Variants in TOM1L2 observed in about 807,000 individuals in gnomAD.
TOM1L2 encodes target of myb1 like 2 membrane trafficking protein.
Under a neutral mutation model 67.9 loss-of-function variants are expected in TOM1L2, and 31 were observed. The observed-to-expected ratio is 0.46, with a 90% confidence interval of 0.34 to 0.62. TOM1L2 has a LOEUF of 0.62. TOM1L2 is among the 20% of genes least tolerant of loss of function. The pLI is 0.01. For missense variants in TOM1L2, 606 were observed against 663.5 expected (o/e 0.91, Z 0.95); for synonymous variants, 256 against 254.0 (o/e 1.01, Z -0.07).
chr17:17,926,338 C>T (rs1474025102), intron 1 of TOM1L2, among the ~76,000 whole-genome samples: 1 of 152,120 alleles, frequency 6.6e-6, no homozygotes, highest in Non-Finnish European at 1.5e-5. Context: ...CTAACTCTCC[C>T]TTGTCCCAAA....
At chr17:17,956,741 G>C (rs2041470740) in intron 1 of TOM1L2, among the ~76,000 whole-genome samples, 1 of 152,206 alleles carries the variant, frequency 6.6e-6, no homozygotes, top group Non-Finnish European at 1.5e-5. Flanking sequence ...TGGATGCTAA[G>C]CCCCTCACTG....
rs200243623 is a variant in TOM1L2, at chr17:17,847,747, G to A, written c.1412C>T (p.Ala471Val). 5.0e-4 allele frequency: 807 copies of A among 1,614,094 alleles called. 2 individuals are homozygous for A. In the Middle Eastern group the frequency reaches 5.3e-3, roughly 11 times the overall value. ...CGAGGGGAGGTCGGGAACCATTTCA[G>A]CAGCTTTGGCTCTTTCTTCAAGGAA... ...DKFLEERAKAAEMVPDLPSPP... is the reference protein window; with the variant it reads ...DKFLEERAKAVEMVPDLPSPP... Residue 471 changes from alanine to valine, a missense_variant, in exon 15 of 15, where the codon GCT becomes GTT. Physicochemically the swap from Ala to Val is moderately conservative, Grantham distance 64. Coordinates refer to ENST00000379504, the MANE Select transcript of TOM1L2 (RefSeq NM_001082968.2).
At chr17:17,934,554 A>G (rs2040446461) in intron 1 of TOM1L2, among the ~76,000 whole-genome samples, 1 of 152,208 alleles carries the variant, frequency 6.6e-6, no homozygotes, top group African/African-American at 2.4e-5. Context: ...GAGAGTAATT[A>G]TGTCTTACTG....
intron 10 of TOM1L2, among the ~76,000 whole-genome samples, chr17:17,865,742 CTT>C (rs35408977): frequency 4.6e-4 from 48 of 103,522 alleles, no homozygotes; most frequent in Non-Finnish European, 5.9e-4. Flanking sequence ...GGTGACCTTT[CTT>C]TTTTTTTTTT....
At chr17:17,927,542 G>C (rs141375393) in intron 1 of TOM1L2, among the ~76,000 whole-genome samples, 1 of 152,292 alleles carries the variant, frequency 6.6e-6, no homozygotes, top group Non-Finnish European at 1.5e-5. Context: ...ATTTGGCCTC[G>C]TGAGAATGGC....
rs2035642080 is a variant in TOM1L2, at chr17:17,846,325, G to C, written c.*1310C>G. ...ACACACGGGGATGCATACAGCTGCAGTATTCTCCTTCTGAGCAACAGCAGC... is the reference window on the plus strand; with the variant it reads ...ACACACGGGGATGCATACAGCTGCACTATTCTCCTTCTGAGCAACAGCAGC... On this transcript the variant is annotated 3_prime_UTR_variant, in exon 15 of 15. Coordinates refer to ENST00000379504, the MANE Select transcript of TOM1L2 (RefSeq NM_001082968.2). 1 of 152,532 alleles carries C rather than the reference G, an allele frequency of 6.6e-6. No individual in the cohort carries two copies. The highest frequency in any genetic ancestry group is 1.5e-5 in the Non-Finnish European group (1 of 68,246). 9.4% of individuals were successfully genotyped at this position (152,532 alleles called of 1,614,324 possible). A position where few individuals can be genotyped will look rare whatever the true frequency, so the allele number is the denominator to read the frequency against.
At chr17:17,882,593 G>A (rs2037781029) in intron 6 of TOM1L2, 112 bp downstream of exon 6, 2 of 1,411,402 alleles carry the variant, frequency 1.4e-6, no homozygotes, top group South Asian at 2.7e-5. Context: ...CCATCTCTGT[G>A]TCCCTAACAC....
Position 17,861,178 on chromosome 17 carries a change from T to C in TOM1L2, c.1278+298A>G, listed in dbSNP as rs1208557626. Among the ~76,000 whole-genome samples the C allele has an allele frequency of 4.6e-5, 7 of 152,276 alleles. No homozygotes were observed. The East Asian group carries it at 1.4e-3, about 29-fold the overall frequency. ...CTGGAAATGGACACTAATCCTAGGATTGGAACCCCAGCTTGCTGTCTGCTC... is the reference window on the plus strand; with the variant it reads ...CTGGAAATGGACACTAATCCTAGGACTGGAACCCCAGCTTGCTGTCTGCTC... On this transcript the variant is annotated intron_variant, in intron 12 of 14. Transcript: ENST00000379504.
At chr17:17,935,482 C>T (rs1407548550) in intron 1 of TOM1L2, among the ~76,000 whole-genome samples, 2 of 152,222 alleles carry the variant, frequency 1.3e-5, no homozygotes, top group African/African-American at 4.8e-5. Flanking sequence ...TCTTACTGCT[C>T]TTTCTTGTCA....
rs1185302402 is a variant in TOM1L2, at chr17:17,846,146, C to G, written c.*1489G>C. The G allele has an allele frequency of 6.6e-6, 1 of 152,324 alleles. No homozygotes were observed. The highest frequency in any genetic ancestry group is 2.4e-5 in the African/African-American group (1 of 41,466). 9.4% of individuals were successfully genotyped at this position (152,324 alleles called of 1,614,324 possible). A position where few individuals can be genotyped will look rare whatever the true frequency, so the allele number is the denominator to read the frequency against. On this transcript the variant is annotated 3_prime_UTR_variant, in exon 15 of 15. Coordinates refer to ENST00000379504, the MANE Select transcript of TOM1L2 (RefSeq NM_001082968.2). ...CCATGTCGCTGGTCTCTTCTCCCGT[C>G]AAGCCCAGCCCCCTTTCCCTGCTTG... is the stretch of plus-strand genomic sequence containing the variant.
intron 2 of TOM1L2, among the ~76,000 whole-genome samples, chr17:17,905,444 A>G (rs2039048350): frequency 6.6e-6 from 1 of 152,216 alleles, no homozygotes; most frequent in South Asian, 2.1e-4. Context: ...AGCCAATTCC[A>G]TTGGCTCTAC....
chr17:17,970,179 C>T (rs1300795908), intron 1 of TOM1L2, among the ~76,000 whole-genome samples: 1 of 151,940 alleles, frequency 6.6e-6, no homozygotes, highest in Non-Finnish European at 1.5e-5. Flanking sequence ...CTCAGCCTCC[C>T]GAGTAGCTGG....
chr17:17,918,915 T>C (rs777622489), intron 1 of TOM1L2, among the ~76,000 whole-genome samples: 8 of 152,188 alleles, frequency 5.3e-5, no homozygotes, highest in Non-Finnish European at 8.8e-5. Context: ...TGAGGGCCCT[T>C]TATAAGTAAA....
chr17:17,971,622 T>C (rs1429472749), intron 1 of TOM1L2, among the ~76,000 whole-genome samples: 1 of 151,482 alleles, frequency 6.6e-6, no homozygotes, highest in Non-Finnish European at 1.5e-5. Context: ...GAAGGTGACA[T>C]CCCACAAAGG....
At chr17:17,940,949 T>C (rs2040709784) in intron 1 of TOM1L2, among the ~76,000 whole-genome samples, 1 of 152,196 alleles carries the variant, frequency 6.6e-6, no homozygotes, top group South Asian at 2.1e-4. Flanking sequence ...TCTATGATGC[T>C]TGCAAATCAT....
At chr17:17,859,718 T>G (rs1349867276) in intron 12 of TOM1L2, 4 of 152,032 alleles carry the variant, frequency 2.6e-5, no homozygotes, top group Non-Finnish European at 4.4e-5. Flanking sequence ...CTGTCTCTAG[T>G]AAAAACACAA....
chr17:17,851,193 T>C lies in TOM1L2; in HGVS notation c.1279-241A>G, dbSNP rs918332460. 14 of 546,782 alleles carry C rather than the reference T, an allele frequency of 2.6e-5. No individual in the cohort carries two copies. In the Admixed American group the frequency reaches 4.4e-4, roughly 17 times the overall value. 33.9% of individuals were successfully genotyped at this position (546,782 alleles called of 1,614,324 possible). ...AGCAGGCTCCCGGCAGGGCCGGCGGTAAGGAAGGTGGCTGTACGCGTTCTT... is the reference window on the plus strand; with the variant it reads ...AGCAGGCTCCCGGCAGGGCCGGCGGCAAGGAAGGTGGCTGTACGCGTTCTT... On this transcript the variant is annotated intron_variant, in intron 12 of 14. Coordinates refer to ENST00000379504, the MANE Select transcript of TOM1L2 (RefSeq NM_001082968.2).
rs9908994 is a variant in TOM1L2, at chr17:17,901,642, C to T, written c.138-2968G>A. On this transcript the variant is annotated intron_variant, in intron 2 of 14. Transcript: ENST00000379504. Reference sequence around the variant, plus strand: ...GCTGCCCCTCTTCTGTCACCCTGAACATGCCCTCCCCATTATTATCTTGCT... The same window carrying T: ...GCTGCCCCTCTTCTGTCACCCTGAATATGCCCTCCCCATTATTATCTTGCT... 9.2e-3 allele frequency among the ~76,000 whole-genome samples: 1,399 copies of T among 152,366 alleles called. 20 individuals are homozygous for T. The highest frequency in any genetic ancestry group is 0.03 in the African/African-American group (1,230 of 41,580).
chr17:17,936,767 A>G (rs1315597755), intron 1 of TOM1L2, among the ~76,000 whole-genome samples: 1 of 152,236 alleles, frequency 6.6e-6, no homozygotes, highest in East Asian at 1.9e-4. Context: ...TTATCTCTGT[A>G]AAGAAAAATG....
Sources: gnomAD v4.1 joint callset for allele counts (sites outside exome capture counted in the v4.1 genomes callset) on GRCh38, gnomAD v4.1.1 for gene constraint, MANE v1.5 for transcripts, NCBI Gene and HGNC (gene_info 2026-07-23, HGNC 2026-07-21) for gene names.